Variants in MYOF observed in about 807,000 individuals in gnomAD.
MYOF encodes the protein myoferlin, also known as fer-1-like 3, myoferlin.
Under a neutral mutation model 284.2 loss-of-function variants are expected in MYOF, and 244 were observed. The ratio of observed to expected loss-of-function variants is 0.86; its 90% CI spans 0.77 to 0.95. The LOEUF is 0.95. Ranked by LOEUF, MYOF falls within the 40% of genes least tolerant of loss-of-function variation. MYOF has a pLI of 0.00. For synonymous variants in MYOF, 904 were observed against 919.7 expected, an observed-to-expected ratio of 0.98 and a Z score of 0.31; for missense variants, 2,496 against 2,560.6, an observed-to-expected ratio of 0.97 and a Z score of 0.54.
chr10:93,373,959 C>T (rs1845715665), intron 23 of MYOF, among the ~76,000 whole-genome samples: 1 of 152,158 alleles, frequency 6.6e-6, no homozygotes, highest in African/African-American at 2.4e-5. Context: ...TTGCTGCACC[C>T]ATCAACTCAT....
chr10:93,349,863 A>T lies in MYOF; in HGVS notation c.4028T>A (p.Ile1343Asn), dbSNP rs1844417943. ...CGGERVESVV[I>N]KNLKKTPNFP... ...GTTGGGTGTCTTCTTAAGGTTTTTG[A>T]TCACCACCGATTCCACCCTTTCTCC... Residue 1343 changes from isoleucine (I) to asparagine (N), a missense_variant, in exon 36 of 54, where the codon ATC becomes AAC. Around this residue, in one of 3 missense-constraint regions of MYOF, gnomAD observed 2,436 missense variants for 2,480.7 expected, o/e 0.98. Transcript: ENST00000359263. The T allele has an allele frequency of 6.2e-7, 1 of 1,613,990 alleles. No individual in the cohort carries two copies.
Position 93,306,995 on chromosome 10 carries a change from A to G in MYOF, c.6154T>C (p.Leu2052=). 1.2e-6 allele frequency: 2 copies of G among 1,612,996 alleles called. No individual in the cohort carries two copies. Among genetic ancestry groups the G allele is most frequent in the African/African-American group, 2.7e-5 (2 of 75,024 alleles). The change falls in exon 54 of 54, where the codon TTG becomes CTG. Residue 2052 remains leucine, a synonymous_variant. Transcript: ENST00000359263. The part of the protein sequence containing the change: ...AVLLYSLPNY[L]SMKIVKPNV ...TTTGGCTTTACAATCTTCATTGACA[A>G]ATAGTTCTGGAAAGGAAACAAAAAC...
rs760802865 is a variant in MYOF at position 93,351,603 on chromosome 10, G to A, written c.3664-32C>T. On this transcript the variant is annotated intron_variant, in intron 33 of 53. Coordinates refer to ENST00000359263, the MANE Select transcript of MYOF (RefSeq NM_013451.4). ...AAACAAAGTGATCCTTAAATTCCCC[G>A]ACAATCATCCCTTCAAATCTCCATC... 38 of 1,610,858 alleles carry A rather than the reference G, an allele frequency of 2.4e-5. 1 individual carries two copies. The highest frequency in any genetic ancestry group is 7.7e-5 in the South Asian group (7 of 90,642).
chr10:93,325,216 C>CAT (rs1842991425), intron 46 of MYOF, among the ~76,000 whole-genome samples: 1 of 152,206 alleles, frequency 6.6e-6, no homozygotes, highest in Non-Finnish European at 1.5e-5. Flanking sequence ...CAAGCTTCCA[C>CAT]ATAGATTATT....
rs1846056796 is a variant in MYOF, at chr10:93,380,358, G to A, written c.1877-371C>T. Among the ~76,000 whole-genome samples the A allele has an allele frequency of 2.0e-5, 3 of 152,262 alleles. No individual in the cohort carries two copies. The South Asian group carries it at 6.2e-4, about 32-fold the overall frequency. The stretch of plus-strand genomic sequence containing the variant: ...CTAAAAACTGTTATTCTAAATAAAT[G>A]TTTTTGTTGGAACTGGGGCAAAAGA... On this transcript the variant is annotated intron_variant, in intron 20 of 53. Transcript: ENST00000359263.
intron 3 of MYOF, among the ~76,000 whole-genome samples, chr10:93,445,742 T>C (rs562038205): frequency 1.3e-5 from 2 of 152,308 alleles, no homozygotes; most frequent in South Asian, 4.1e-4. Flanking sequence ...TGTTTGCTAA[T>C]AGGCCGGGGA....
rs1846471872 is a variant in MYOF at position 93,387,915 on chromosome 10, T to G, written c.1582-2A>C. The G allele has an allele frequency of 6.2e-7, 1 of 1,607,708 alleles. No homozygotes were observed. Among genetic ancestry groups the G allele is most frequent in the Non-Finnish European group, 8.5e-7 (1 of 1,174,598 alleles). On this transcript the variant is annotated splice_acceptor_variant, in intron 18 of 53. Transcript: ENST00000359263. LOFTEE classifies it high-confidence loss of function. ...GCCTCTGTAGGCAACTCCTTCCCCC[T>G]GAAAGGCAATAATCCAGGATTATTC...
At chr10:93,357,376 T>G (rs1210505127) in intron 29 of MYOF, among the ~76,000 whole-genome samples, 1 of 152,240 alleles carries the variant, frequency 6.6e-6, no homozygotes, top group Admixed American at 6.5e-5. Flanking sequence ...GTGGTACTTT[T>G]TAGCTTAAGA....
chr10:93,453,964 C>A (rs577749040), intron 2 of MYOF, among the ~76,000 whole-genome samples: 3 of 152,076 alleles, frequency 2.0e-5, no homozygotes, highest in Non-Finnish European at 4.4e-5. Context: ...AGATGGATCA[C>A]CTGAGGTCAG....
Position 93,347,753 on chromosome 10 carries a change from G to A in MYOF, c.4113C>T (p.Pro1371=). 1 of 1,613,490 alleles carries A rather than the reference G, an allele frequency of 6.2e-7. No individual in the cohort carries two copies. ...GGTCGATGACCTTGATCACCAGTGG[G>A]GGCATGTACAATTCCTCCTTGGGCA... ...VFLPKEELYM[P]PLVIKVIDHR... The change falls in exon 37 of 54, where the codon CCC becomes CCT. Residue 1371 remains proline, a synonymous_variant. Transcript: ENST00000359263.
At chr10:93,417,338 C>A (rs1848175883) in intron 5 of MYOF, among the ~76,000 whole-genome samples, 1 of 152,138 alleles carries the variant, frequency 6.6e-6, no homozygotes, top group Non-Finnish European at 1.5e-5. Context: ...TGTAATCATT[C>A]CTGAGATGTA....
intron 4 of MYOF, among the ~76,000 whole-genome samples, chr10:93,430,897 A>G (rs11594717): frequency 0.13 from 19,889 of 152,232 alleles, 1,358 homozygotes; most frequent in Middle Eastern, 0.19. Flanking sequence ...GAGAAAGATC[A>G]CCAGAAAAAT....
At chr10:93,354,746 G>T (rs190355820) in intron 31 of MYOF, among the ~76,000 whole-genome samples, 86 of 146,262 alleles carry the variant, frequency 5.9e-4, no homozygotes, top group Non-Finnish European at 1.0e-3. Flanking sequence ...CAGATTCTGG[G>T]AGCTCTACTA....
chr10:93,402,847 G>T lies in MYOF; in HGVS notation c.874+13C>A. 1 of 1,606,970 alleles carries T rather than the reference G, an allele frequency of 6.2e-7. No individual in the cohort carries two copies. Among genetic ancestry groups the T allele is most frequent in the Non-Finnish European group, 8.5e-7 (1 of 1,173,862 alleles). ...ATTTAAGACTTCATATTGATGGGGA[G>T]AACATTACTTACCAGGTTCATCATA... On this transcript the variant is annotated intron_variant, in intron 10 of 53. Coordinates refer to ENST00000359263, the MANE Select transcript of MYOF (RefSeq NM_013451.4).
chr10:93,337,466 A>T, intron 40 of MYOF: 1 of 221,838 alleles, frequency 4.5e-6, no homozygotes, highest in Non-Finnish European at 8.9e-6. Flanking sequence ...GCATGTTGAC[A>T]TCTTGTGTCA....
At chr10:93,438,360 ATTCT>A (rs1351380622) in intron 3 of MYOF, among the ~76,000 whole-genome samples, 1 of 152,138 alleles carries the variant, frequency 6.6e-6, no homozygotes, top group Non-Finnish European at 1.5e-5. Context: ...TCACTGAATA[ATTCT>A]TTCTCAACAC....
At chr10:93,476,337 C>T (rs1011092595) in intron 1 of MYOF, among the ~76,000 whole-genome samples, 14 of 148,208 alleles carry the variant, frequency 9.4e-5, no homozygotes, top group South Asian at 2.1e-4. Context: ...CTGCAACCTC[C>T]GCCTCCCAGG....
intron 1 of MYOF, 110 bp downstream of exon 1, chr10:93,481,997 G>C (rs79268758): frequency 0.061 from 62,831 of 1,035,068 alleles, 2,272 homozygotes; most frequent in Middle Eastern, 0.084. Flanking sequence ...AAACGCTGCT[G>C]GAGAGACTTG....
intron 2 of MYOF, among the ~76,000 whole-genome samples, chr10:93,455,267 G>T (rs1227893301): frequency 1.3e-5 from 2 of 150,224 alleles, no homozygotes; most frequent in African/African-American, 2.5e-5. Flanking sequence ...CAAGAAGAGC[G>T]AAACTCCATC....
Sources: gnomAD v4.1 joint callset for allele counts (sites outside exome capture counted in the v4.1 genomes callset) on GRCh38, gnomAD v4.1.1 for gene constraint, gnomAD v4.1.1 regional missense constraint, MANE v1.5 for transcripts, NCBI Gene and HGNC (gene_info 2026-07-23, HGNC 2026-07-21) for gene names.